Variants in GOLIM4 observed in about 807,000 individuals in gnomAD.
The protein encoded by GOLIM4 is 130 kDa golgi-localized phosphoprotein.
In GOLIM4, 71 loss-of-function variants were observed where a neutral mutation model predicts 107.4. The observed-to-expected ratio is 0.66, with a 90% CI of 0.55 to 0.81. The LOEUF is 0.81. Ranked by LOEUF, GOLIM4 falls within the 30% of genes least tolerant of loss-of-function variation. The pLI, the probability that GOLIM4 is intolerant of heterozygous loss-of-function variation, is 0.00. For synonymous variants in GOLIM4, 327 were observed against 294.8 expected (o/e 1.11, Z -1.12); for missense variants, 830 against 826.1 (o/e 1.00, Z -0.06).
Position 168,040,874 on chromosome 3 carries a change from A to G in GOLIM4, c.601-5T>C. On this transcript the variant is annotated splice_polypyrimidine_tract_variant and splice_region_variant and intron_variant, in intron 6 of 15. Coordinates refer to ENST00000470487, the MANE Select transcript of GOLIM4 (RefSeq NM_014498.5). ...GAGTAAATTCTTATGCTGTTGCTAC[A>G]CAAAAAAGAATTTTACATGTTGAGC... The G allele has an allele frequency of 1.3e-6, 2 of 1,598,556 alleles. No homozygotes were observed. The highest frequency in any genetic ancestry group is 1.7e-6 in the Non-Finnish European group (2 of 1,166,236).
chr3:168,014,544 G>A (rs1717252657), intron 14 of GOLIM4, among the ~76,000 whole-genome samples: 1 of 129,052 alleles, frequency 7.7e-6, no homozygotes, highest in East Asian at 2.0e-4. Context: ...ATTTTATGAG[G>A]CCAGCATCAT....
chr3:168,093,024 A>G lies in GOLIM4; in HGVS notation c.187+2075T>C, dbSNP rs994573744. On this transcript the variant is annotated intron_variant, in intron 1 of 15. Coordinates refer to ENST00000470487, the MANE Select transcript of GOLIM4 (RefSeq NM_014498.5). ...GAACATTTCCATCTGCTGCAAAACAAAAGTTGTATATTTTAATGATCCTGT... is the reference window on the plus strand; with the variant it reads ...GAACATTTCCATCTGCTGCAAAACAGAAGTTGTATATTTTAATGATCCTGT... 4.6e-5 allele frequency among the ~76,000 whole-genome samples: 7 copies of G among 152,202 alleles called. No homozygotes were observed. The South Asian group carries it at 6.2e-4, about 13-fold the overall frequency.
chr3:168,011,737 C>A (rs1385617080), intron 14 of GOLIM4, among the ~76,000 whole-genome samples: 3 of 114,916 alleles, frequency 2.6e-5, no homozygotes, highest in African/African-American at 2.1e-4. Flanking sequence ...TCCCTGACCC[C>A]TTACCCCTGA....
chr3:168,046,674 C>T (rs1279964620), intron 3 of GOLIM4, among the ~76,000 whole-genome samples: 2 of 152,102 alleles, frequency 1.3e-5, no homozygotes, highest in Non-Finnish European at 2.9e-5. Context: ...AAAAGAGAGA[C>T]TGCAAACAAA....
At chr3:168,050,604 G>A (rs943504653) in intron 1 of GOLIM4, among the ~76,000 whole-genome samples, 4 of 152,002 alleles carry the variant, frequency 2.6e-5, no homozygotes, top group Non-Finnish European at 5.9e-5. Flanking sequence ...TCCCTTCACC[G>A]CCAATCCACT....
intron 14 of GOLIM4, among the ~76,000 whole-genome samples, chr3:168,014,055 G>A (rs1717219419): frequency 7.3e-6 from 1 of 136,232 alleles, no homozygotes; most frequent in East Asian, 2.0e-4. Context: ...AGAACTGAAG[G>A]AAAAAGAGAC....
intron 1 of GOLIM4, among the ~76,000 whole-genome samples, chr3:168,057,250 A>G (rs1720029727): frequency 1.3e-5 from 2 of 152,220 alleles, no homozygotes; most frequent in Non-Finnish European, 2.9e-5. Flanking sequence ...TGTAAGTCCA[A>G]TAAACCTCTT....
At chr3:168,076,848 AACAG>A (rs1262775855) in intron 1 of GOLIM4, among the ~76,000 whole-genome samples, 1 of 152,238 alleles carries the variant, frequency 6.6e-6, no homozygotes, top group Non-Finnish European at 1.5e-5. Context: ...GAAAGTTTTT[AACAG>A]ACTACTTTAT....
At chr3:168,030,078 TC>T (rs1420476742) in intron 9 of GOLIM4, 42 bp from the exon 10 acceptor site, 11 of 1,583,920 alleles carry the variant, frequency 6.9e-6, no homozygotes, top group African/African-American at 1.3e-5. Context: ...AGGGGTTAGC[TC>T]CTCTGGGTTT....
chr3:168,026,616 C>T (rs1718008463), intron 12 of GOLIM4, among the ~76,000 whole-genome samples: 2 of 152,168 alleles, frequency 1.3e-5, no homozygotes. Flanking sequence ...CTGAAATGCC[C>T]TTCCTCCCAC....
At chr3:168,084,032 G>C (rs1721500115) in intron 1 of GOLIM4, among the ~76,000 whole-genome samples, 1 of 152,170 alleles carries the variant, frequency 6.6e-6, no homozygotes, top group South Asian at 2.1e-4. Context: ...TTGGCTCTGA[G>C]TTGTAATTCC....
chr3:168,024,794 G>A, intron 13 of GOLIM4, 134 bp downstream of exon 13: 1 of 895,068 alleles, frequency 1.1e-6, no homozygotes, highest in Non-Finnish European at 1.8e-6. Context: ...GGCATATCAT[G>A]TCATAAAGTG....
intron 1 of GOLIM4, among the ~76,000 whole-genome samples, chr3:168,089,839 C>A (rs1398835079): frequency 2.0e-5 from 3 of 148,778 alleles, no homozygotes; most frequent in Non-Finnish European, 4.4e-5. Flanking sequence ...GGTGACTGGG[C>A]TCACTGCAAC....
chr3:168,062,349 A>C (rs1213856498), intron 1 of GOLIM4, among the ~76,000 whole-genome samples: 1 of 151,688 alleles, frequency 6.6e-6, no homozygotes, highest in Admixed American at 6.6e-5. Flanking sequence ...TTCCATTTGT[A>C]ATGTAGGAAC....
chr3:168,035,497 G>A (rs1342815153), intron 8 of GOLIM4, among the ~76,000 whole-genome samples: 1 of 152,210 alleles, frequency 6.6e-6, no homozygotes, highest in Non-Finnish European at 1.5e-5. Flanking sequence ...GTCCTTTGCA[G>A]GGGCATGGAT....
chr3:168,057,587 C>T (rs1437595300), intron 1 of GOLIM4, among the ~76,000 whole-genome samples: 1 of 152,092 alleles, frequency 6.6e-6, no homozygotes, highest in Admixed American at 6.5e-5. Context: ...GGGAAACCAC[C>T]CCCATGATCC....
chr3:168,016,148 A>G (rs1443670841), intron 14 of GOLIM4, among the ~76,000 whole-genome samples: 1 of 135,016 alleles, frequency 7.4e-6, no homozygotes, highest in East Asian at 2.0e-4. Context: ...CTCATCTGAC[A>G]AATGGCTAAT....
At chr3:168,088,715 C>T (rs2108296065) in intron 1 of GOLIM4, among the ~76,000 whole-genome samples, 1 of 152,334 alleles carries the variant, frequency 6.6e-6, no homozygotes, top group Non-Finnish European at 1.5e-5. Flanking sequence ...TCCCTGCCCT[C>T]TTCTGGTTTC....
Position 168,010,427 on chromosome 3 carries a change from TAAAAGAA to T in GOLIM4, c.1942-16_1942-10del. ...TTATTTTTATCATCAGTCTTAAAATTAAAAGAAAAAAGAAAAACTAAGAGATAGTATA... is the reference window on the plus strand; with the variant it reads ...TTATTTTTATCATCAGTCTTAAAATTAAAAGAAAAACTAAGAGATAGTATA... On this transcript the variant is annotated splice_polypyrimidine_tract_variant and intron_variant, in intron 15 of 15. Coordinates refer to ENST00000470487, the MANE Select transcript of GOLIM4 (RefSeq NM_014498.5). 2 of 1,568,582 alleles carry T rather than the reference TAAAAGAA, an allele frequency of 1.3e-6. No homozygotes were observed. The highest frequency in any genetic ancestry group is 1.7e-6 in the Non-Finnish European group (2 of 1,147,116).
Sources: gnomAD v4.1 joint callset for allele counts (sites outside exome capture counted in the v4.1 genomes callset) on GRCh38, gnomAD v4.1.1 for gene constraint, MANE v1.5 for transcripts, NCBI Gene and HGNC (gene_info 2026-07-23, HGNC 2026-07-21) for gene names.